Variants in NPNT observed in about 807,000 individuals in gnomAD.
The protein encoded by NPNT is nephronectin.
Under a neutral mutation model 68.6 loss-of-function variants are expected in NPNT, and 45 were observed. The ratio of observed to expected loss-of-function variants is 0.66; its 90% CI spans 0.52 to 0.84. The LOEUF (loss-of-function observed/expected upper bound fraction) is 0.84, where lower values mean the gene tolerates loss of function less well. Ranked by LOEUF, NPNT falls within the 40% of genes least tolerant of loss-of-function variation. The pLI is 0.00. For synonymous variants in NPNT, 233 were observed against 253.3 expected (o/e 0.92, Z 0.76); for missense variants, 672 against 714.8 (o/e 0.94, Z 0.68).
At position 105,895,645 on chromosome 4, in the gene NPNT, T is replaced by A. The variant is rs896049972; in HGVS notation, c.-8T>A. 2.6e-6 allele frequency: 4 copies of A among 1,549,840 alleles called. No individual in the cohort carries two copies. The African/African-American group carries it at 4.1e-5, about 16-fold the overall frequency. On this transcript the variant is annotated 5_prime_UTR_variant, in exon 1 of 12. Coordinates refer to ENST00000379987, the MANE Select transcript of NPNT (RefSeq NM_001033047.3). ...CACTGCGCTGCGCCCCAGGACCCGC[T>A]GCCCAACATGGATTTTCTCCTGGCG...
At chr4:105,896,090 G>A in intron 1 of NPNT, 1 of 256,808 alleles carries the variant, frequency 3.9e-6, no homozygotes, top group Non-Finnish European at 7.5e-6. Context: ...GGAAACTCCC[G>A]CGCCTGAACT....
In NPNT at chr4:105,926,175, C is replaced by T. The variant is rs114852672; in HGVS notation, c.173-1161C>T. ...AGCCTCCTCTATGAGGCTTTCTGCA[C>T]GTATGTATATGGATTTGCTTGTGTA... is the stretch of plus-strand genomic sequence containing the variant. On this transcript the variant is annotated intron_variant, in intron 2 of 11. Coordinates refer to ENST00000379987, the MANE Select transcript of NPNT (RefSeq NM_001033047.3). Among the ~76,000 whole-genome samples, 771 of 152,218 alleles carry T rather than the reference C, an allele frequency of 5.1e-3. 5 individuals are homozygous for T. The highest frequency in any genetic ancestry group is 0.017 in the African/African-American group (715 of 41,530).
chr4:105,917,064 T>G (rs1727879583), intron 2 of NPNT, among the ~76,000 whole-genome samples: 1 of 152,210 alleles, frequency 6.6e-6, no homozygotes, highest in African/African-American at 2.4e-5. Context: ...TGAAATCACA[T>G]AAAGGTAATC....
At chr4:105,947,272 G>A (rs11097904) in intron 8 of NPNT, among the ~76,000 whole-genome samples, 132,086 of 152,136 alleles carry the variant, frequency 0.87, 57,945 homozygotes, top group East Asian at 1. Flanking sequence ...TCAAACACAC[G>A]TTTTACAACC....
At chr4:105,945,808 G>A (rs1730338209) in intron 8 of NPNT, among the ~76,000 whole-genome samples, 1 of 152,110 alleles carries the variant, frequency 6.6e-6, no homozygotes, top group African/African-American at 2.4e-5. Flanking sequence ...TTCCTCTAGT[G>A]CTTTTACTGT....
At chr4:105,941,022 AT>A (rs66997656) in intron 7 of NPNT, among the ~76,000 whole-genome samples, 7 of 151,972 alleles carry the variant, frequency 4.6e-5, no homozygotes, top group Admixed American at 3.9e-4. Context: ...CCTCTGTTTT[AT>A]TGCTCCTAAC....
chr4:105,896,292 C>T (rs1254320074), intron 1 of NPNT, among the ~76,000 whole-genome samples: 1 of 152,060 alleles, frequency 6.6e-6, no homozygotes, highest in Admixed American at 6.6e-5. Context: ...GTGGGCGCTC[C>T]GTGAATGTGA....
intron 8 of NPNT, among the ~76,000 whole-genome samples, chr4:105,945,111 C>A (rs1730276134): frequency 6.6e-6 from 1 of 151,996 alleles, no homozygotes; most frequent in African/African-American, 2.4e-5. Context: ...TTCAAATAGC[C>A]CTCCACTTTG....
intron 2 of NPNT, among the ~76,000 whole-genome samples, chr4:105,916,127 T>C (rs1727798853): frequency 6.6e-6 from 1 of 152,194 alleles, no homozygotes; most frequent in South Asian, 2.1e-4. Context: ...TTTTTCCCTC[T>C]TTTGGTTGCC....
intron 8 of NPNT, among the ~76,000 whole-genome samples, chr4:105,958,202 C>A (rs1039984825): frequency 7.9e-5 from 12 of 152,056 alleles, no homozygotes; most frequent in African/African-American, 2.9e-4. Flanking sequence ...AATGTATTTT[C>A]CAGATAAAGA....
chr4:105,969,345 T>G lies in NPNT; in HGVS notation c.*355T>G, dbSNP rs1732411274. On this transcript the variant is annotated 3_prime_UTR_variant, in exon 12 of 12. Transcript: ENST00000379987. ...TTATGAGAGTGAGTTACGGGAGCAGTTTTTAAAAGAAATCTTTGCAGATGG... is the reference window on the plus strand; with the variant it reads ...TTATGAGAGTGAGTTACGGGAGCAGGTTTTAAAAGAAATCTTTGCAGATGG... 5.4e-6 allele frequency: 1 copy of G among 183,574 alleles called. No homozygotes were observed. The highest frequency in any genetic ancestry group is 1.1e-5 in the Non-Finnish European group (1 of 87,208). The allele number at this position is 183,574 out of a possible 1,614,324, so 11.4% of individuals were successfully genotyped here.
chr4:105,940,292 CAG>C, intron 6 of NPNT, 83 bp downstream of exon 6: 1 of 1,386,370 alleles, frequency 7.2e-7, no homozygotes, highest in Non-Finnish European at 1.0e-6. Flanking sequence ...GCTGGAATGT[CAG>C]GGGCAGGGGA....
intron 2 of NPNT, among the ~76,000 whole-genome samples, chr4:105,904,105 C>T (rs545772420): frequency 3.9e-5 from 6 of 152,174 alleles, no homozygotes; most frequent in African/African-American, 1.4e-4. Context: ...TTTTTATGCA[C>T]TCAGCATTCC....
intron 11 of NPNT, among the ~76,000 whole-genome samples, chr4:105,968,692 T>C (rs1172563517): frequency 6.6e-6 from 1 of 152,234 alleles, no homozygotes; most frequent in African/African-American, 2.4e-5. Flanking sequence ...TTCTGAGTAA[T>C]GTGGTCTGAT....
chr4:105,958,915 G>T (rs772715553), intron 9 of NPNT, 113 bp from the exon 10 acceptor site: 21 of 685,388 alleles, frequency 3.1e-5, no homozygotes, highest in Non-Finnish European at 5.5e-5. Context: ...AGAAGCTCTG[G>T]TTATATGGAT....
chr4:105,912,384 T>G, intron 2 of NPNT: 1 of 646,676 alleles, frequency 1.5e-6, no homozygotes, highest in Non-Finnish European at 2.6e-6. Flanking sequence ...TTCTTAGAGA[T>G]GTGCTTATTC....
chr4:105,941,826 G>A (rs980406748), intron 7 of NPNT, among the ~76,000 whole-genome samples: 7 of 152,050 alleles, frequency 4.6e-5, no homozygotes, highest in Non-Finnish European at 1.0e-4. Flanking sequence ...ATAAAGTGTG[G>A]ATAAGAAAAG....
chr4:105,942,213 A>G, intron 7 of NPNT, 94 bp from the exon 8 acceptor site: 2 of 918,958 alleles, frequency 2.2e-6, no homozygotes, highest in Middle Eastern at 2.6e-4. Context: ...AAATGATACC[A>G]GTTGTCATTA....
chr4:105,918,094 T>G (rs1356167482), intron 2 of NPNT, among the ~76,000 whole-genome samples: 1 of 152,182 alleles, frequency 6.6e-6, no homozygotes, highest in African/African-American at 2.4e-5. Flanking sequence ...TGATGGACAT[T>G]TAAGTTGTTT....
Sources: allele counts gnomAD v4.1 joint callset (sites outside exome capture counted in the v4.1 genomes callset), GRCh38; gene constraint gnomAD v4.1.1; transcripts MANE v1.5; gene names NCBI Gene and HGNC (gene_info 2026-07-23, HGNC 2026-07-21).